Variants in KCND2 observed in about 807,000 individuals in gnomAD.
KCND2 encodes the protein A-type voltage-gated potassium channel KCND2.
KCND2 carries 16 observed loss-of-function variants against 54.4 expected under a neutral mutation model. The observed-to-expected ratio is 0.29, with a 90% CI of 0.20 to 0.45. The LOEUF is 0.45. Ranked by LOEUF, KCND2 falls within the 20% of genes least tolerant of loss-of-function variation. KCND2 has a pLI of 1.00. For synonymous variants in KCND2, 317 were observed against 310.7 expected (o/e 1.02, Z -0.21); for missense variants, 486 against 824.2 (o/e 0.59, Z 5.02).
chr7:120,490,043 C>G (rs1190539587), intron 1 of KCND2, among the ~76,000 whole-genome samples: 1 of 152,130 alleles, frequency 6.6e-6, no homozygotes, highest in Non-Finnish European at 1.5e-5. Flanking sequence ...CCTAGGCTTT[C>G]TCAGAGTGGC....
intron 1 of KCND2, among the ~76,000 whole-genome samples, chr7:120,662,080 A>G (rs919193558): frequency 2.0e-5 from 3 of 152,142 alleles, no homozygotes; most frequent in Non-Finnish European, 4.4e-5. Flanking sequence ...GAGGGCACCC[A>G]TGTCAGGCAA....
At chr7:120,643,181 A>T (rs1254324246) in intron 1 of KCND2, among the ~76,000 whole-genome samples, 2 of 152,202 alleles carry the variant, frequency 1.3e-5, no homozygotes, top group African/African-American at 4.8e-5. Flanking sequence ...ACATATAAGT[A>T]TTTATTTGTG....
At chr7:120,614,005 A>C (rs1271154419) in intron 1 of KCND2, among the ~76,000 whole-genome samples, 1 of 150,940 alleles carries the variant, frequency 6.6e-6, no homozygotes, top group Non-Finnish European at 1.5e-5. Flanking sequence ...AAGCATTTTA[A>C]TCTTTGTTGG....
intron 1 of KCND2, among the ~76,000 whole-genome samples, chr7:120,599,598 AT>A (rs1257433422): frequency 6.6e-6 from 1 of 151,990 alleles, no homozygotes; most frequent in East Asian, 1.9e-4. Context: ...CTGTTTGAAT[AT>A]TTTTTAAAAG....
intron 1 of KCND2, among the ~76,000 whole-genome samples, chr7:120,379,308 A>G (rs1242909972): frequency 6.6e-6 from 1 of 152,036 alleles, no homozygotes; most frequent in Non-Finnish European, 1.5e-5. Context: ...AATAGTAATG[A>G]TTAATGAATA....
At chr7:120,367,471 A>G (rs907887699) in intron 1 of KCND2, among the ~76,000 whole-genome samples, 1 of 152,008 alleles carries the variant, frequency 6.6e-6, no homozygotes, top group African/African-American at 2.4e-5. Flanking sequence ...TTATTACAAT[A>G]TCTCATCACT....
chr7:120,744,348 C>A (rs905055185), intron 4 of KCND2, among the ~76,000 whole-genome samples: 1 of 151,770 alleles, frequency 6.6e-6, no homozygotes. Flanking sequence ...TTTTTAAAAT[C>A]AAAAATCACT....
chr7:120,473,260 C>T lies in KCND2; in HGVS notation c.1115+197513C>T, dbSNP rs148362752. Among the ~76,000 whole-genome samples, 1,027 of 152,234 alleles carry T rather than the reference C, an allele frequency of 6.7e-3. 9 individuals are homozygous for T. Among genetic ancestry groups the T allele is most frequent in the African/African-American group, 0.023 (951 of 41,534 alleles). ...ATATTCACTATGTTAGATATTCTTC[C>T]CTAACCTAGAATAAGATTCAGAGCA... On this transcript the variant is annotated intron_variant, in intron 1 of 5. Transcript: ENST00000331113.
chr7:120,744,032 G>C (rs183414150), intron 4 of KCND2, among the ~76,000 whole-genome samples: 113 of 152,276 alleles, frequency 7.4e-4, no homozygotes, highest in African/African-American at 2.6e-3. Context: ...GGCCAAGGTG[G>C]GCGGGTCAAC....
chr7:120,613,313 A>G (rs1400938567), intron 1 of KCND2, among the ~76,000 whole-genome samples: 1 of 152,072 alleles, frequency 6.6e-6, no homozygotes, highest in Non-Finnish European at 1.5e-5. Flanking sequence ...GGCAGATCAC[A>G]TGAGGTCAGG....
chr7:120,622,136 C>T (rs1176782024), intron 1 of KCND2, among the ~76,000 whole-genome samples: 2 of 151,760 alleles, frequency 1.3e-5, no homozygotes, highest in African/African-American at 4.8e-5. Context: ...GTCACTTATC[C>T]CAAAATAAAT....
chr7:120,280,943 A>AC (rs1403994139), intron 1 of KCND2, among the ~76,000 whole-genome samples: 2 of 152,052 alleles, frequency 1.3e-5, no homozygotes, highest in Admixed American at 1.3e-4. Context: ...CCTCAATATC[A>AC]CTGCTGGCTC....
chr7:120,423,817 TTC>T (rs1352607624), intron 1 of KCND2, among the ~76,000 whole-genome samples: 1 of 152,210 alleles, frequency 6.6e-6, no homozygotes, highest in African/African-American at 2.4e-5. Flanking sequence ...AAATTTGGCT[TTC>T]TATCCAAGCC....
intron 1 of KCND2, among the ~76,000 whole-genome samples, chr7:120,478,823 C>G (rs1242874215): frequency 6.6e-6 from 1 of 152,016 alleles, no homozygotes; most frequent in African/African-American, 2.4e-5. Context: ...GGAAAATAAC[C>G]ATCCTGAAGA....
At chr7:120,332,272 T>C (rs1012100139) in intron 1 of KCND2, among the ~76,000 whole-genome samples, 2 of 152,090 alleles carry the variant, frequency 1.3e-5, no homozygotes, top group African/African-American at 2.4e-5. Context: ...AAATATACAC[T>C]TTTGGAATCA....
intron 1 of KCND2, among the ~76,000 whole-genome samples, chr7:120,419,221 A>G (rs1801571511): frequency 6.6e-6 from 1 of 152,158 alleles, no homozygotes; most frequent in African/African-American, 2.4e-5. Flanking sequence ...ATCCTGAAAT[A>G]AAAGGTCTAC....
At chr7:120,436,180 A>C (rs1418753103) in intron 1 of KCND2, among the ~76,000 whole-genome samples, 1 of 152,206 alleles carries the variant, frequency 6.6e-6, no homozygotes, top group Non-Finnish European at 1.5e-5. Flanking sequence ...TCCAATAAAA[A>C]TATTGGCCAT....
chr7:120,704,585 G>A (rs576911390), intron 1 of KCND2, among the ~76,000 whole-genome samples: 68 of 152,286 alleles, frequency 4.5e-4, no homozygotes, highest in African/African-American at 1.5e-3. Flanking sequence ...TCAATGGCAA[G>A]CTATAATCAT....
chr7:120,672,573 G>A (rs148861599), intron 1 of KCND2, among the ~76,000 whole-genome samples: 37 of 152,060 alleles, frequency 2.4e-4, no homozygotes, highest in African/African-American at 8.7e-4. Context: ...TTCCTTCTCA[G>A]CCAAAAGTTC....
Sources: allele counts gnomAD v4.1 joint callset (sites outside exome capture counted in the v4.1 genomes callset), GRCh38; gene constraint gnomAD v4.1.1; transcripts MANE v1.5; gene names NCBI Gene and HGNC (gene_info 2026-07-23, HGNC 2026-07-21).